TEP1: variants seen among roughly 807,000 people sequenced by gnomAD.
TEP1 encodes telomerase protein component 1.
Under a neutral mutation model 306.3 loss-of-function variants are expected in TEP1, and 241 were observed. The observed-to-expected ratio is 0.79, with a 90% CI of 0.71 to 0.88. The LOEUF is 0.88. Among genes scored for constraint, TEP1 ranks in the 40% least tolerant of loss-of-function variants. The probability of loss-of-function intolerance (pLI) is 0.00; values close to 1 mark genes in which losing one functional copy is unlikely to be tolerated. For missense variants in TEP1, 3,051 were observed against 3,276.1 expected, an observed-to-expected ratio of 0.93 and a Z score of 1.68; for synonymous variants, 1,289 against 1,305.5, an observed-to-expected ratio of 0.99 and a Z score of 0.27.
intron 9 of TEP1, 121 bp from the exon 10 acceptor site, chr14:20,396,851 A>G (rs2139146041): frequency 1.7e-6 from 1 of 579,362 alleles, no homozygotes; most frequent in Non-Finnish European, 2.9e-6. Context: ...CCCAGAACCC[A>G]GGAATTAGAG....
intron 35 of TEP1, 72 bp downstream of exon 35, chr14:20,379,858 C>T: frequency 6.5e-7 from 1 of 1,528,142 alleles, no homozygotes; most frequent in Non-Finnish European, 8.8e-7. Context: ...GTGTGTTTGG[C>T]TCATCTAGGG....
At position 20,373,788 on chromosome 14, in the gene TEP1, C is replaced by A. The variant is rs973920100; in HGVS notation, c.6494G>T (p.Ser2165Ile). The change falls in exon 45 of 55, where the codon AGC becomes ATC. Residue 2165 changes from serine to isoleucine, a missense_variant. Coordinates refer to ENST00000262715, the MANE Select transcript of TEP1 (RefSeq NM_007110.5). ...AAVEEHVVSV[S>I]RDGTLKVWDH... ...CCACACTTTCAAGGTCCCATCCCGG[C>A]TCACAGACACCACGTGCTCCTCCTG... 3 of 1,613,530 alleles carry A rather than the reference C, an allele frequency of 1.9e-6. No homozygotes were observed. In the East Asian group the frequency reaches 6.7e-5, roughly 36 times the overall value.
intron 43 of TEP1, 62 bp downstream of exon 43, chr14:20,375,693 G>T: frequency 9.7e-7 from 1 of 1,030,174 alleles, no homozygotes; most frequent in Non-Finnish European, 1.5e-6. Context: ...GACGAGGTGG[G>T]GAGTGTTGTC....
At chr14:20,379,587 G>A (rs1885407169) in intron 35 of TEP1, among the ~76,000 whole-genome samples, 3 of 152,302 alleles carry the variant, frequency 2.0e-5, no homozygotes, top group African/African-American at 7.2e-5. Context: ...TCCTATAGCT[G>A]CACAACTCAC....
At chr14:20,393,413 ATTAAAC>A (rs769458456) in intron 12 of TEP1, among the ~76,000 whole-genome samples, 17 of 152,246 alleles carry the variant, frequency 1.1e-4, no homozygotes, top group Non-Finnish European at 2.2e-4. Context: ...ATTAAATCAA[ATTAAAC>A]TTAAATTATA....
Position 20,373,434 on chromosome 14 carries a change from G to A in TEP1, c.6682-32C>T, listed in dbSNP as rs751109899. The A allele has an allele frequency of 1.8e-5, 29 of 1,613,950 alleles. 1 individual carries two copies. In the South Asian group the frequency reaches 3.1e-4, roughly 17 times the overall value. ...GGAAGGGATGGAGATGGGCTCATGA[G>A]AGTGGGCACAACAGAAGGTTATTCC... On this transcript the variant is annotated intron_variant, in intron 46 of 54. Transcript: ENST00000262715.
chr14:20,371,737 A>C, intron 49 of TEP1, 105 bp from the exon 50 acceptor site: 15 of 1,278,974 alleles, frequency 1.2e-5, no homozygotes, highest in Non-Finnish European at 1.3e-5. Flanking sequence ...ACAAAGCAAA[A>C]TGTATCACCT....
intron 9 of TEP1, among the ~76,000 whole-genome samples, chr14:20,397,938 A>T (rs1403704918): frequency 6.6e-6 from 1 of 151,868 alleles, no homozygotes; most frequent in Non-Finnish European, 1.5e-5. Flanking sequence ...TTTTTAGTAG[A>T]GACGGGGTTT....
intron 8 of TEP1, 24 bp downstream of exon 8, chr14:20,401,433 C>T: frequency 6.2e-7 from 1 of 1,611,962 alleles, no homozygotes. Context: ...AGATGGAATG[C>T]ATGCTCAGGG....
chr14:20,408,586 T>C, intron 1 of TEP1, 123 bp from the exon 2 acceptor site: 1 of 780,266 alleles, frequency 1.3e-6, no homozygotes, highest in South Asian at 1.9e-5. Context: ...AAACAACCAA[T>C]GTTGTTTTTC....
Position 20,367,555 on chromosome 14 carries a change from A to G in TEP1, c.*882T>C, listed in dbSNP as rs1884544572. 6.6e-6 allele frequency: 1 copy of G among 152,010 alleles called. No homozygotes were observed. The highest frequency in any genetic ancestry group is 1.5e-5 in the Non-Finnish European group (1 of 68,026). 9.4% of individuals were successfully genotyped at this position (152,010 alleles called of 1,614,324 possible). On this transcript the variant is annotated 3_prime_UTR_variant, in exon 55 of 55. Transcript: ENST00000262715. ...TTGAAAGTCGTGTCAGAAGTTGGGA[A>G]AACCAGAAGGTTTGTTCCGCTTTCA... is the stretch of plus-strand genomic sequence containing the variant.
chr14:20,375,725 G>T, intron 43 of TEP1, 30 bp downstream of exon 43: 1 of 1,520,374 alleles, frequency 6.6e-7, no homozygotes, highest in African/African-American at 1.4e-5. Context: ...ACCCAGCTGG[G>T]CTCTGTGCCA....
At chr14:20,386,359 T>C (rs1594346581) in intron 19 of TEP1, 88 bp downstream of exon 19, 1 of 1,575,018 alleles carries the variant, frequency 6.3e-7, no homozygotes, top group Non-Finnish European at 8.6e-7. Context: ...CCCTCATCCA[T>C]TCTTGCAGCC....
chr14:20,368,298 C>A lies in TEP1; in HGVS notation c.*139G>T. 1 of 964,448 alleles carries A rather than the reference C, an allele frequency of 1.0e-6. No homozygotes were observed. 59.7% of individuals were successfully genotyped at this position (964,448 alleles called of 1,614,324 possible). A position where few individuals can be genotyped will look rare whatever the true frequency, so the allele number is the denominator to read the frequency against. Reference sequence around the variant, plus strand: ...AAATCCACATGAGAACACAGGCAGGCCTACACTTGAGATTTTTTGACACTT... The same window carrying A: ...AAATCCACATGAGAACACAGGCAGGACTACACTTGAGATTTTTTGACACTT... On this transcript the variant is annotated 3_prime_UTR_variant, in exon 55 of 55. Transcript: ENST00000262715.
intron 9 of TEP1, among the ~76,000 whole-genome samples, chr14:20,398,775 C>A (rs1331793362): frequency 6.6e-6 from 1 of 152,190 alleles, no homozygotes; most frequent in Admixed American, 6.5e-5. Context: ...GCCTTGTGCA[C>A]CAGCCCACAC....
In TEP1 at chr14:20,387,551, C is replaced by CAAAAAAAAAAAAAAAAAAA. The variant is rs34816712; in HGVS notation, c.2684+353_2684+354insTTTTTTTTTTTTTTTTTTT. Among the ~76,000 whole-genome samples the CAAAAAAAAAAAAAAAAAAA allele has an allele frequency of 4.4e-3, 565 of 127,424 alleles. 14 individuals are homozygous for CAAAAAAAAAAAAAAAAAAA. The highest frequency in any genetic ancestry group is 0.016 in the African/African-American group (529 of 33,644). 83.6% of individuals were successfully genotyped at this position (127,424 alleles called of 152,430 possible). A position where few individuals can be genotyped will look rare whatever the true frequency, so the allele number is the denominator to read the frequency against. The stretch of plus-strand genomic sequence containing the variant: ...TGGGCGACACAGCGAGACTCCGTCT[C>CAAAAAAAAAAAAAAAAAAA]AAAAAAAAAAAGAAATTAAGCAACT... On this transcript the variant is annotated intron_variant, in intron 18 of 54. Transcript: ENST00000262715.
Position 20,374,450 on chromosome 14 carries a change from A to C in TEP1, c.6450T>G (p.Ala2150=). Residue 2150 remains alanine, a synonymous_variant, in exon 44 of 55, where the codon GCT becomes GCG. Coordinates refer to ENST00000262715, the MANE Select transcript of TEP1 (RefSeq NM_007110.5). ...TCACCACAGCTGCCACAGCGCTCAC[A>C]GCACTCTGATGACCCAGGAACTGAC... The part of the protein sequence containing the change: ...RLGQFLGHQS[A]VSAVAAVEEH... 6.2e-7 allele frequency: 1 copy of C among 1,613,168 alleles called. No individual in the cohort carries two copies. Among genetic ancestry groups the C allele is most frequent in the Non-Finnish European group, 8.5e-7 (1 of 1,179,872 alleles).
In TEP1 at chr14:20,371,498, G is replaced by C. The variant is rs769029457; in HGVS notation, c.7211C>G (p.Ser2404Cys). Residue 2404 changes from serine to cysteine, a missense_variant, in exon 50 of 55, where the codon TCT becomes TGT. By Grantham distance (112) the Ser-to-Cys change is moderately radical. Around this residue, in one of 3 missense-constraint regions of TEP1, gnomAD observed 1,540 missense variants for 1,705.9 expected, o/e 0.90. Transcript: ENST00000262715. ...GCATTTTGGATCTTACCAGATTTCA[G>C]ATGGAGCATCCCCTGGCTTCATGCA... The part of the protein sequence containing the change: ...LLCMKPGDAP[S>C]EIWSSYTENP... The C allele has an allele frequency of 1.2e-6, 2 of 1,609,336 alleles. No individual in the cohort carries two copies. The highest frequency in any genetic ancestry group is 2.7e-5 in the African/African-American group (2 of 74,492).
chr14:20,382,830 G>A (rs182512605), intron 27 of TEP1, 115 bp from the exon 28 acceptor site: 145 of 916,042 alleles, frequency 1.6e-4, no homozygotes, highest in East Asian at 2.1e-4. Context: ...CCCAGCAGAC[G>A]CCAGGTCCAT....
Sources: allele counts gnomAD v4.1 joint callset (sites outside exome capture counted in the v4.1 genomes callset), GRCh38; gene constraint gnomAD v4.1.1; regional missense constraint gnomAD v4.1.1; transcripts MANE v1.5; gene names NCBI Gene and HGNC (gene_info 2026-07-23, HGNC 2026-07-21).